AXIN2: variants seen among roughly 807,000 people sequenced by gnomAD.
AXIN2 encodes the protein axin-2.
A neutral mutation model predicts 74.7 loss-of-function variants in AXIN2; 21 were observed. The observed-to-expected ratio is 0.28, with a 90% CI of 0.20 to 0.40. The LOEUF is 0.40. AXIN2 is among the 10% of genes least tolerant of loss of function. The pLI, the probability that AXIN2 is intolerant of heterozygous loss-of-function variation, is 1.00. For missense variants in AXIN2, 1,144 were observed against 1,111.1 expected (o/e 1.03, Z -0.42); for synonymous variants, 532 against 454.9 (o/e 1.17, Z -2.16).
At position 65,528,935 on chromosome 17, in the gene AXIN2, A is replaced by G. The variant is rs2144383833; in HGVS notation, c.*1041T>C. On this transcript the variant is annotated 3_prime_UTR_variant, in exon 11 of 11. Transcript: ENST00000307078. ...CAAGTAACAATGGCAAACAGAATGT[A>G]CAGATTAACTTAACACAAAAACCCG... 3.4e-6 allele frequency: 1 copy of G among 296,224 alleles called. No individual in the cohort carries two copies. Among genetic ancestry groups the G allele is most frequent in the South Asian group, 6.8e-5 (1 of 14,660 alleles). The allele number at this position is 296,224 out of a possible 1,614,324, so 18.3% of individuals were successfully genotyped here.
chr17:65,539,480 A>G (rs1363006651), intron 4 of AXIN2, among the ~76,000 whole-genome samples: 2 of 152,176 alleles, frequency 1.3e-5, no homozygotes, highest in Non-Finnish European at 2.9e-5. Flanking sequence ...AAATCATCTA[A>G]TTTACAAGCT....
chr17:65,530,068 A>G lies in AXIN2; in HGVS notation c.2440T>C (p.Cys814Arg). The G allele has an allele frequency of 6.2e-7, 1 of 1,614,210 alleles. No homozygotes were observed. The highest frequency in any genetic ancestry group is 8.5e-7 in the Non-Finnish European group (1 of 1,180,044). Reference protein sequence around the residue: ...YFKKASDEFACGAVFEEIWED... With the variant: ...YFKKASDEFARGAVFEEIWED... ...CAGATCTCCTCAAACACCGCTCCAC[A>G]GGCAAACTCATCGCTTGCTTTTTTG... is the stretch of plus-strand genomic sequence containing the variant. Residue 814 changes from cysteine (C) to arginine (R), a missense_variant, in exon 11 of 11, where the codon TGT becomes CGT. Physicochemically the swap from Cys to Arg is radical, Grantham distance 180. Coordinates refer to ENST00000307078, the MANE Select transcript of AXIN2 (RefSeq NM_004655.4).
At chr17:65,536,735 C>T (rs1326481692) in intron 7 of AXIN2, 134 bp downstream of exon 7, 5 of 1,454,960 alleles carry the variant, frequency 3.4e-6, no homozygotes, top group Non-Finnish European at 4.8e-6. Flanking sequence ...CTCAGTCCAA[C>T]GTTTAATATT....
rs760939811 is a variant in AXIN2 at position 65,537,046 on chromosome 17, G to A, written c.1730C>T (p.Thr577Ile). The change falls in exon 7 of 11, where the codon ACC becomes ATC. Residue 577 changes from threonine (T) to isoleucine (I), a missense_variant. By Grantham distance (89) the Thr-to-Ile change is moderately conservative. Transcript: ENST00000307078. ...GCCTTTCCCATTGCGTTTGGGCAAG[G>A]TACTGCCTCTGCTGCCGCTGTGGGG... Reference protein sequence around the residue: ...SEQFGGSRGSTLPKRNGKGTE... With the variant: ...SEQFGGSRGSILPKRNGKGTE... 1.2e-6 allele frequency: 2 copies of A among 1,607,106 alleles called. No individual in the cohort carries two copies. The highest frequency in any genetic ancestry group is 2.2e-5 in the South Asian group (2 of 91,002).
At chr17:65,532,748 G>A (rs1325701840) in intron 10 of AXIN2, among the ~76,000 whole-genome samples, 1 of 152,246 alleles carries the variant, frequency 6.6e-6, no homozygotes, top group Non-Finnish European at 1.5e-5. Context: ...GTGCTATTCA[G>A]AGTTTTCCAC....
At chr17:65,548,001 G>A (rs2044140170) in intron 3 of AXIN2, among the ~76,000 whole-genome samples, 1 of 152,174 alleles carries the variant, frequency 6.6e-6, no homozygotes, top group Admixed American at 6.5e-5. Context: ...TAATGACAGA[G>A]CAAAATGTAT....
rs2144499878 is a variant in AXIN2 at position 65,541,467 on chromosome 17, T to C, written c.1047A>G (p.Leu349=). The change falls in exon 4 of 11, where the codon CTA becomes CTG. Residue 349 remains leucine (L), a synonymous_variant. Coordinates refer to ENST00000307078, the MANE Select transcript of AXIN2 (RefSeq NM_004655.4). ...RSVKANGQVS[L]PHFPRTHRLP... ...AGACTGTACTCACCGGGAAATGAGGTAGAGACACTTGGCCATTGGCCTTCA... is the reference window on the plus strand; with the variant it reads ...AGACTGTACTCACCGGGAAATGAGGCAGAGACACTTGGCCATTGGCCTTCA... 2 of 1,613,866 alleles carry C rather than the reference T, an allele frequency of 1.2e-6. No individual in the cohort carries two copies. The highest frequency in any genetic ancestry group is 1.7e-6 in the Non-Finnish European group (2 of 1,179,770).
In AXIN2 at chr17:65,528,717, G is replaced by A. The variant is rs1207507997; in HGVS notation, c.*1259C>T. 7.9e-6 allele frequency: 4 copies of A among 503,718 alleles called. No homozygotes were observed. Among genetic ancestry groups the A allele is most frequent in the African/African-American group, 1.9e-5 (1 of 51,392 alleles). The allele number at this position is 503,718 out of a possible 1,614,324, so 31.2% of individuals were successfully genotyped here. On this transcript the variant is annotated 3_prime_UTR_variant, in exon 11 of 11. Coordinates refer to ENST00000307078, the MANE Select transcript of AXIN2 (RefSeq NM_004655.4). Reference sequence around the variant, plus strand: ...ACAAAAGTCATTGAGTACAAGACTTGTAATAAAAAGGCATAAAATATATTT... The same window carrying A: ...ACAAAAGTCATTGAGTACAAGACTTATAATAAAAAGGCATAAAATATATTT...
chr17:65,561,581 C>G lies in AXIN2; in HGVS notation c.-248G>C, dbSNP rs1038664029. 1.3e-5 allele frequency: 2 copies of G among 151,568 alleles called. No individual in the cohort carries two copies. Among genetic ancestry groups the G allele is most frequent in the African/African-American group, 4.8e-5 (2 of 41,266 alleles). The allele number at this position is 151,568 out of a possible 1,614,324, so 9.4% of individuals were successfully genotyped here. On this transcript the variant is annotated 5_prime_UTR_variant, in exon 1 of 11. Coordinates refer to ENST00000307078, the MANE Select transcript of AXIN2 (RefSeq NM_004655.4). ...TGCCAGGACCTTATCAAAGCGCAGCCGGCTCCAGCCGACTCCCCCGGGCCA... is the reference window on the plus strand; with the variant it reads ...TGCCAGGACCTTATCAAAGCGCAGCGGGCTCCAGCCGACTCCCCCGGGCCA...
rs1448295747 is a variant in AXIN2, at chr17:65,561,640, C to T, written c.-307G>A. ...GAGCCAGTGATCCCGCCGCGCCAAT[C>T]ACAGCCGCGCTCGGCCGGCCCGCGC... On this transcript the variant is annotated 5_prime_UTR_variant, in exon 1 of 11. Transcript: ENST00000307078. 1 of 151,408 alleles carries T rather than the reference C, an allele frequency of 6.6e-6. No individual in the cohort carries two copies. The highest frequency in any genetic ancestry group is 1.5e-5 in the Non-Finnish European group (1 of 67,658). The allele number at this position is 151,408 out of a possible 1,614,324, so 9.4% of individuals were successfully genotyped here.
rs1168682434 is a variant in AXIN2, at chr17:65,529,489, A to C, written c.*487T>G. 1 of 288,536 alleles carries C rather than the reference A, an allele frequency of 3.5e-6. No homozygotes were observed. Among genetic ancestry groups the C allele is most frequent in the East Asian group, 5.1e-5 (1 of 19,756 alleles). 17.9% of individuals were successfully genotyped at this position (288,536 alleles called of 1,614,324 possible). On this transcript the variant is annotated 3_prime_UTR_variant, in exon 11 of 11. Transcript: ENST00000307078. ...CTGTTAGTGAAGAAACCATGAACGCACTCCTAGCTCAACTCCTAAGTTTAG... is the reference window on the plus strand; with the variant it reads ...CTGTTAGTGAAGAAACCATGAACGCCCTCCTAGCTCAACTCCTAAGTTTAG...
chr17:65,530,947 C>A (rs1394189911), intron 10 of AXIN2, among the ~76,000 whole-genome samples: 1 of 152,220 alleles, frequency 6.6e-6, no homozygotes, highest in African/African-American at 2.4e-5. Context: ...TCGGAAACAA[C>A]TGCTGTCCTC....
intron 2 of AXIN2, 122 bp downstream of exon 2, chr17:65,557,684 G>A: frequency 9.9e-7 from 1 of 1,007,822 alleles, no homozygotes; most frequent in Non-Finnish European, 1.5e-6. Flanking sequence ...AGGGTTCATG[G>A]CCAGCAGTCC....
At chr17:65,550,894 C>T (rs920853174) in intron 2 of AXIN2, among the ~76,000 whole-genome samples, 3 of 152,092 alleles carry the variant, frequency 2.0e-5, no homozygotes, top group African/African-American at 4.8e-5. Context: ...GAGGTACGCT[C>T]AGTGTTATCA....
intron 4 of AXIN2, 79 bp downstream of exon 4, chr17:65,541,376 C>T (rs1567759166): frequency 7.7e-7 from 1 of 1,301,278 alleles, no homozygotes; most frequent in East Asian, 2.3e-5. Flanking sequence ...ATACCTCTCC[C>T]CATTCCACCA....
At position 65,549,649 on chromosome 17, in the gene AXIN2, C is replaced by G. The variant is rs1173628990; in HGVS notation, c.827G>C (p.Arg276Thr). 1 of 1,600,176 alleles carries G rather than the reference C, an allele frequency of 6.2e-7. No homozygotes were observed. Among genetic ancestry groups the G allele is most frequent in the Non-Finnish European group, 8.5e-7 (1 of 1,172,772 alleles). ...GTGATAAGGATTAACAGGATCGCTC[C>G]TCTTGAAGGACCTATGGGCAAAGTA... ...TVDSGYRSFK[R>T]SDPVNPYHIG... The change falls in exon 3 of 11, where the codon AGG becomes ACG. Residue 276 changes from arginine (R) to threonine (T), a missense_variant. Coordinates refer to ENST00000307078, the MANE Select transcript of AXIN2 (RefSeq NM_004655.4).
intron 2 of AXIN2, among the ~76,000 whole-genome samples, chr17:65,551,633 T>A (rs1040311456): frequency 1.3e-5 from 2 of 151,984 alleles, no homozygotes. Context: ...GATGGTGGGA[T>A]GGAAAAGAAG....
At position 65,535,513 on chromosome 17, in the gene AXIN2, A is replaced by G. The variant is rs73346291; in HGVS notation, c.2237+113T>C. On this transcript the variant is annotated intron_variant, in intron 9 of 10. Coordinates refer to ENST00000307078, the MANE Select transcript of AXIN2 (RefSeq NM_004655.4). ...GTTCCTCATCACTAGCGCTAAAATC[A>G]AAGTGATTTTAAAAACCAAAAAAAG... The G allele has an allele frequency of 2.8e-3, 2,833 of 1,005,336 alleles. 50 individuals carry two copies. In the African/African-American group the frequency reaches 0.04, roughly 14 times the overall value. The allele number at this position is 1,005,336 out of a possible 1,614,324, so 62.3% of individuals were successfully genotyped here. A position where few individuals can be genotyped will look rare whatever the true frequency, so the allele number is the denominator to read the frequency against.
At chr17:65,535,179 T>G (rs1267753186) in intron 9 of AXIN2, among the ~76,000 whole-genome samples, 2 of 152,222 alleles carry the variant, frequency 1.3e-5, no homozygotes. Flanking sequence ...TGAAAGAGAC[T>G]AAATTTACAA....
Sources: allele counts gnomAD v4.1 joint callset (sites outside exome capture counted in the v4.1 genomes callset), GRCh38; gene constraint gnomAD v4.1.1; transcripts MANE v1.5; gene names NCBI Gene and HGNC (gene_info 2026-07-23, HGNC 2026-07-21).